Variants in XKR6 observed in about 807,000 individuals in gnomAD.
XKR6 encodes the protein XK-related protein 6.
In XKR6, 22 loss-of-function variants were observed where a neutral mutation model predicts 56.7. The ratio of observed to expected loss-of-function variants is 0.39; its 90% CI spans 0.28 to 0.55. The LOEUF (loss-of-function observed/expected upper bound fraction) is 0.55. Among genes scored for constraint, XKR6 ranks in the 20% least tolerant of loss-of-function variants. The pLI is 0.66. For missense variants in XKR6, 852 were observed against 889.0 expected (o/e 0.96, Z 0.53); for synonymous variants, 524 against 387.8 (o/e 1.35, Z -4.13).
At chr8:11,199,329 C>A (rs1804068159) in intron 1 of XKR6, among the ~76,000 whole-genome samples, 1 of 152,134 alleles carries the variant, frequency 6.6e-6, no homozygotes, top group Admixed American at 6.5e-5. Context: ...TTTTCTGAAA[C>A]GTTTTTATTT....
rs780358515 is a variant in XKR6 at position 10,935,150 on chromosome 8, T to G, written c.765-10320A>C. Among the ~76,000 whole-genome samples, 528 of 75,874 alleles carry G rather than the reference T, an allele frequency of 7.0e-3. 33 individuals are homozygous for G. Among genetic ancestry groups the G allele is most frequent in the African/African-American group, 0.011 (140 of 12,848 alleles). 49.8% of individuals were successfully genotyped at this position (75,874 alleles called of 152,430 possible). A position where few individuals can be genotyped will look rare whatever the true frequency, so the allele number is the denominator to read the frequency against. ...TGGGAGAGTGTATGTGTCGAGGAAT[T>G]TATCCATTTCTTCTAGATTTTCTAG... is the stretch of plus-strand genomic sequence containing the variant. On this transcript the variant is annotated intron_variant, in intron 1 of 2. Transcript: ENST00000416569.
intron 1 of XKR6, among the ~76,000 whole-genome samples, chr8:10,957,943 T>C (rs1801946479): frequency 6.6e-6 from 1 of 152,090 alleles, no homozygotes; most frequent in African/African-American, 2.4e-5. Context: ...AAACTTGGTG[T>C]ACTATAGTTA....
intron 2 of XKR6, among the ~76,000 whole-genome samples, chr8:10,910,449 T>C (rs1307156492): frequency 6.6e-6 from 1 of 151,864 alleles, no homozygotes; most frequent in Non-Finnish European, 1.5e-5. Flanking sequence ...TGATAAAGAG[T>C]GGATGACTGG....
At chr8:11,014,456 TTACACAACAGGCCCTGCAAACACTTCCAG>T in intron 1 of XKR6, among the ~76,000 whole-genome samples, 1 of 152,278 alleles carries the variant, frequency 6.6e-6, no homozygotes, top group African/African-American at 2.4e-5. Context: ...AGGACACTAA[TTACACAACAGGCCCTGCAAACACTTCCAG>T]TAAGGTTGGA....
At chr8:11,091,682 A>T (rs1798078801) in intron 1 of XKR6, among the ~76,000 whole-genome samples, 1 of 152,062 alleles carries the variant, frequency 6.6e-6, no homozygotes, top group East Asian at 1.9e-4. Flanking sequence ...GGAGTTAGAA[A>T]TGTGGAGCAG....
chr8:10,946,405 C>G (rs1801540150), intron 1 of XKR6, among the ~76,000 whole-genome samples: 1 of 152,118 alleles, frequency 6.6e-6, no homozygotes, highest in Non-Finnish European at 1.5e-5. Flanking sequence ...GTGCTTGTAC[C>G]TTTGTGTAAG....
chr8:11,165,420 G>C (rs986455298), intron 1 of XKR6, among the ~76,000 whole-genome samples: 3 of 152,066 alleles, frequency 2.0e-5, no homozygotes, highest in Non-Finnish European at 4.4e-5. Flanking sequence ...TTTAAGCAAA[G>C]AACTGCAGGT....
At chr8:11,101,982 G>A (rs974312952) in intron 1 of XKR6, among the ~76,000 whole-genome samples, 3 of 152,150 alleles carry the variant, frequency 2.0e-5, no homozygotes, top group Admixed American at 6.5e-5. Flanking sequence ...TGCCATCTGA[G>A]AAAGAGGAAT....
At chr8:10,935,574 C>T (rs1801186552) in intron 1 of XKR6, among the ~76,000 whole-genome samples, 1 of 149,838 alleles carries the variant, frequency 6.7e-6, no homozygotes, top group Non-Finnish European at 1.5e-5. Flanking sequence ...GCTTTGAATG[C>T]ATCCCAGAGA....
At chr8:11,108,205 T>C (rs2129178435) in intron 1 of XKR6, 1 of 446,926 alleles carries the variant, frequency 2.2e-6, no homozygotes, top group South Asian at 1.6e-5. Flanking sequence ...ATAAACAAAT[T>C]AACCAAATTC....
At chr8:11,196,442 C>A (rs1414507260) in intron 1 of XKR6, among the ~76,000 whole-genome samples, 3 of 151,796 alleles carry the variant, frequency 2.0e-5, no homozygotes, top group South Asian at 4.2e-4. Flanking sequence ...ACAAAAAAAA[C>A]AACAACAACA....
At chr8:11,127,979 C>T (rs1799910967) in intron 1 of XKR6, among the ~76,000 whole-genome samples, 2 of 152,206 alleles carry the variant, frequency 1.3e-5, no homozygotes, top group African/African-American at 4.8e-5. Context: ...TAAAATTAGA[C>T]TGCATTTTTC....
At chr8:11,089,895 T>C (rs997287682) in intron 1 of XKR6, among the ~76,000 whole-genome samples, 2 of 152,200 alleles carry the variant, frequency 1.3e-5, no homozygotes, top group African/African-American at 4.8e-5. Flanking sequence ...TACTTATTCA[T>C]ATGCACACAC....
At chr8:10,993,707 T>C (rs1446614044) in intron 1 of XKR6, among the ~76,000 whole-genome samples, 5 of 152,160 alleles carry the variant, frequency 3.3e-5, no homozygotes, top group Admixed American at 6.5e-5. Flanking sequence ...TCCAGCAACA[T>C]GCCCCCAGCC....
chr8:11,029,012 G>A (rs540275040), intron 1 of XKR6, among the ~76,000 whole-genome samples: 244 of 152,166 alleles, frequency 1.6e-3, no homozygotes, highest in Middle Eastern at 3.4e-3. Flanking sequence ...TACCTCATGC[G>A]CCTGGAAGTC....
chr8:11,104,362 T>C (rs959839634), intron 1 of XKR6, among the ~76,000 whole-genome samples: 1 of 152,232 alleles, frequency 6.6e-6, no homozygotes, highest in African/African-American at 2.4e-5. Flanking sequence ...TCAGTATCTT[T>C]CTTGGAAATT....
intron 1 of XKR6, among the ~76,000 whole-genome samples, chr8:11,100,384 C>T (rs879716402): frequency 3.9e-5 from 6 of 152,224 alleles, no homozygotes; most frequent in Admixed American, 3.3e-4. Flanking sequence ...GAATTTATGA[C>T]TTCCACCTAA....
chr8:10,898,209 C>T lies in XKR6; in HGVS notation c.1669G>A (p.Asp557Asn). The T allele has an allele frequency of 6.2e-7, 1 of 1,614,132 alleles. No homozygotes were observed. The highest frequency in any genetic ancestry group is 8.5e-7 in the Non-Finnish European group (1 of 1,180,022). ...VTEQQEDLTADTCLPVFQVRP... is the reference protein window; with the variant it reads ...VTEQQEDLTANTCLPVFQVRP... ...ACTTGGAAAACAGGCAAGCAAGTGT[C>T]AGCCGTGAGATCCTCCTGTTGTTCC... The change falls in exon 3 of 3, where the codon GAC (aspartate) becomes AAC (asparagine). Residue 557 changes from aspartate (D) to asparagine (N), a missense_variant. This residue lies in a region of XKR6 where 197 missense variants were observed against 190.9 expected (regional missense o/e 1.03). Coordinates refer to ENST00000416569, the MANE Select transcript of XKR6 (RefSeq NM_173683.4). This position sits in a 1 kb window ranked among gnomAD's most constrained non-coding sequence, Gnocchi z 6.6.
intron 1 of XKR6, among the ~76,000 whole-genome samples, chr8:11,027,829 C>T (rs966625629): frequency 3.3e-5 from 5 of 152,134 alleles, no homozygotes; most frequent in East Asian, 1.9e-4. Flanking sequence ...CTCCCCCTGG[C>T]GCCTCCTACC....
Sources: gnomAD v4.1 joint callset for allele counts (sites outside exome capture counted in the v4.1 genomes callset) on GRCh38, gnomAD v4.1.1 for gene constraint, gnomAD v4.1.1 regional missense constraint, Gnocchi (gnomAD v3.1) non-coding constraint, MANE v1.5 for transcripts, NCBI Gene and HGNC (gene_info 2026-07-23, HGNC 2026-07-21) for gene names.